SPATA1: variants seen among roughly 807,000 people sequenced by gnomAD.
The protein encoded by SPATA1 is spermatogenesis associated 1.
A neutral mutation model predicts 59.6 loss-of-function variants in SPATA1; 57 were observed. That is an observed-to-expected ratio of 0.96 (90% confidence interval 0.77 to 1.19). SPATA1 has a LOEUF of 1.19. Among genes scored for constraint, SPATA1 ranks in the 50% most tolerant of loss-of-function variants. The pLI, the probability that SPATA1 is intolerant of heterozygous loss-of-function variation, is 0.00. For missense variants in SPATA1, 448 were observed against 480.7 expected (o/e 0.93, Z 0.64); for synonymous variants, 147 against 163.9 (o/e 0.90, Z 0.79).
intron 12 of SPATA1, chr1:84,551,407 G>T (rs1209728704): frequency 2.1e-5 from 12 of 560,220 alleles, no homozygotes; most frequent in Non-Finnish European, 2.7e-5. Context: ...AATAGAATTA[G>T]CACTGTCCAA....
chr1:84,550,366 C>A, intron 11 of SPATA1, 66 bp from the exon 12 acceptor site: 1 of 728,958 alleles, frequency 1.4e-6, no homozygotes, highest in Non-Finnish European at 2.1e-6. Flanking sequence ...AGTTTATGTT[C>A]ACAAGGCAGT....
chr1:84,551,198 C>T, intron 12 of SPATA1: 5 of 985,114 alleles, frequency 5.1e-6, no homozygotes, highest in Non-Finnish European at 6.0e-6. Context: ...CATACAAGTA[C>T]CCACAGCAAG....
At chr1:84,563,665 T>C (rs1443421828) in intron 4 of SPATA1, 2 of 930,998 alleles carry the variant, frequency 2.1e-6, no homozygotes, top group African/African-American at 3.5e-5. Flanking sequence ...TATATATTTC[T>C]AATGAAAACA....
intron 1 of SPATA1, among the ~76,000 whole-genome samples, chr1:84,511,029 T>C (rs1682516975): frequency 6.6e-6 from 1 of 152,160 alleles, no homozygotes; most frequent in Non-Finnish European, 1.5e-5. Flanking sequence ...GGGTGGGGAC[T>C]GGGGATGGTT....
At chr1:84,516,198 C>T in intron 1 of SPATA1, 25 bp from the exon 2 acceptor site, 3 of 548,688 alleles carry the variant, frequency 5.5e-6, no homozygotes, top group Non-Finnish European at 9.3e-6. Flanking sequence ...TTTGTGTTTT[C>T]CTTTTTATTT....
At chr1:84,509,713 C>T (rs996950524) in intron 1 of SPATA1, among the ~76,000 whole-genome samples, 5 of 152,126 alleles carry the variant, frequency 3.3e-5, no homozygotes, top group African/African-American at 7.2e-5. Context: ...TTGCAGTAAG[C>T]GGAGATCACG....
At chr1:84,532,937 G>A (rs1683532930) in exon 7 of SPATA1, 2 of 1,551,792 alleles carry the variant, frequency 1.3e-6, no homozygotes, top group Admixed American at 2.0e-5. Context: ...AGGATCATTG[G>A]AAGATTCAAA....
At chr1:84,533,650 A>C in intron 7 of SPATA1, 59 bp from the exon 8 acceptor site, 3 of 1,286,480 alleles carry the variant, frequency 2.3e-6, no homozygotes, top group Non-Finnish European at 3.3e-6. Flanking sequence ...TAAAATATGA[A>C]AAGCTAATAT....
chr1:84,510,950 TA>T (rs1229630909), intron 1 of SPATA1, among the ~76,000 whole-genome samples: 4 of 152,116 alleles, frequency 2.6e-5, no homozygotes, highest in Non-Finnish European at 5.9e-5. Flanking sequence ...TATTTGGCAG[TA>T]AAAATTGAAA....
At chr1:84,546,926 A>C (rs965151211) in intron 10 of SPATA1, among the ~76,000 whole-genome samples, 1 of 152,188 alleles carries the variant, frequency 6.6e-6, no homozygotes. Flanking sequence ...AAGACAGTAC[A>C]TGATGGTGGC....
At chr1:84,555,082 G>C, downstream of SPATA1, 1 of 1,613,998 alleles carries the variant, frequency 6.2e-7, no homozygotes. Context: ...GAGTAGTCAA[G>C]ACAGTTTGCA....
chr1:84,520,911 G>A (rs1286045661), intron 3 of SPATA1, among the ~76,000 whole-genome samples: 1 of 152,120 alleles, frequency 6.6e-6, no homozygotes, highest in Admixed American at 6.5e-5. Flanking sequence ...CTACCACCCA[G>A]AAAACAGTAT....
At chr1:84,532,872 C>A in exon 7 of SPATA1, 1 of 1,550,940 alleles carries the variant, frequency 6.4e-7, no homozygotes. Context: ...GGGGGAAAAG[C>A]CACTGCAGAA....
chr1:84,519,437 C>A (rs986198270), intron 2 of SPATA1, among the ~76,000 whole-genome samples: 2 of 151,404 alleles, frequency 1.3e-5, no homozygotes, highest in African/African-American at 4.9e-5. Context: ...TGGAAAAAAG[C>A]CATTAAAATG....
intron 12 of SPATA1, chr1:84,552,325 T>C (rs1684298351): frequency 6.6e-6 from 1 of 152,204 alleles, no homozygotes; most frequent in African/African-American, 2.4e-5. Flanking sequence ...TAGGTCTGGG[T>C]GCAGCCTGAG....
downstream of SPATA1, chr1:84,555,135 G>A (rs759385732): frequency 2.5e-6 from 4 of 1,613,832 alleles, no homozygotes; most frequent in Admixed American, 3.3e-5. Flanking sequence ...TTGTATATAT[G>A]TTGCCTTTAA....
At chr1:84,516,935 T>A (rs1041733833) in intron 2 of SPATA1, among the ~76,000 whole-genome samples, 5 of 152,164 alleles carry the variant, frequency 3.3e-5, no homozygotes, top group Admixed American at 1.3e-4. Context: ...CTGCCACTCA[T>A]TAATTCAGTC....
chr1:84,554,866 T>C, downstream of SPATA1: 1 of 714,674 alleles, frequency 1.4e-6, no homozygotes, highest in Non-Finnish European at 2.2e-6. Flanking sequence ...ATTCAAACAA[T>C]CAAAACATTT....
At chr1:84,548,749 CCTTTTTTT>C in intron 10 of SPATA1, 29 bp from the exon 11 acceptor site, 1 of 994,914 alleles carries the variant, frequency 1.0e-6, no homozygotes, top group Non-Finnish European at 1.3e-6. Context: ...GAAGGCCTTT[CCTTTTTTT>C]TTTTTTTTTT....
Sources: gnomAD v4.1 joint callset for allele counts (sites outside exome capture counted in the v4.1 genomes callset) on GRCh38, gnomAD v4.1.1 for gene constraint, MANE v1.5 for transcripts, NCBI Gene and HGNC (gene_info 2026-07-23, HGNC 2026-07-21) for gene names.